Variants in TMCO6 observed in about 807,000 individuals in gnomAD.
TMCO6 encodes the protein transmembrane and coiled-coil domains 6.
TMCO6 carries 47 observed loss-of-function variants against 61.8 expected under a neutral mutation model. The observed-to-expected ratio is 0.76, with a 90% CI of 0.60 to 0.97. The LOEUF (loss-of-function observed/expected upper bound fraction) is 0.97, where lower values mean the gene tolerates loss of function less well. Among genes scored for constraint, TMCO6 ranks in the 50% least tolerant of loss-of-function variants. TMCO6 has a pLI of 0.00. For synonymous variants in TMCO6, 261 were observed against 254.2 expected, an observed-to-expected ratio of 1.03 and a Z score of -0.25; for missense variants, 557 against 601.6, an observed-to-expected ratio of 0.93 and a Z score of 0.78.
chr5:140,638,565 C>CTTT (rs112303526), upstream of TMCO6, among the ~76,000 whole-genome samples: 17 of 89,260 alleles, frequency 1.9e-4, no homozygotes, highest in South Asian at 1.8e-3. Context: ...TTCTTTCTTT[C>CTTT]TTTTTTTTTT....
At chr5:140,631,350 TGAGA>T in the TMCO6 span, among the ~76,000 whole-genome samples, 1 of 151,806 alleles carries the variant, frequency 6.6e-6, no homozygotes, top group Admixed American at 6.6e-5. Flanking sequence ...TGTGTGTGTG[TGAGA>T]GAGAGAAAGA....
At chr5:140,645,681 G>T (rs1232701901), downstream of TMCO6, 2 of 1,614,004 alleles carry the variant, frequency 1.2e-6, no homozygotes, top group Admixed American at 3.3e-5. Context: ...GCCAAATGCT[G>T]AAGAGAGAGA....
At chr5:140,633,225 A>G in the TMCO6 span, 1 of 919,440 alleles carries the variant, frequency 1.1e-6, no homozygotes, top group Non-Finnish European at 1.7e-6. Flanking sequence ...GATGTCATTC[A>G]GTTCCCTCCT....
chr5:140,613,839 C>T, the TMCO6 span, among the ~76,000 whole-genome samples: 373 of 151,964 alleles, frequency 2.5e-3, 2 homozygotes, highest in African/African-American at 8.6e-3. Context: ...TCCCAAAGCA[C>T]AGGGATTACA....
At chr5:140,597,743 A>G in the TMCO6 span, among the ~76,000 whole-genome samples, 2 of 152,250 alleles carry the variant, frequency 1.3e-5, no homozygotes, top group Admixed American at 1.3e-4. Context: ...TTAGGGCTAT[A>G]TAGCTACAGG....
chr5:140,638,418 G>GC (rs1229778930), upstream of TMCO6, among the ~76,000 whole-genome samples: 1 of 152,146 alleles, frequency 6.6e-6, no homozygotes, highest in Non-Finnish European at 1.5e-5. Flanking sequence ...ACTGTGGCGT[G>GC]CCTCGGCATC....
At chr5:140,647,199 C>G (rs1210697485), downstream of TMCO6, 9 of 1,507,154 alleles carry the variant, frequency 6.0e-6, no homozygotes, top group Non-Finnish European at 8.0e-6. Context: ...GGTCCCTTCT[C>G]TTCTCAAACC....
At chr5:140,606,310 G>A in the TMCO6 span, among the ~76,000 whole-genome samples, 81 of 151,724 alleles carry the variant, frequency 5.3e-4, 1 homozygote, top group African/African-American at 1.9e-3. Flanking sequence ...CACCAGGCCT[G>A]GCTAAATAAA....
At chr5:140,599,148 G>A in the TMCO6 span, among the ~76,000 whole-genome samples, 29 of 152,266 alleles carry the variant, frequency 1.9e-4, no homozygotes, top group Admixed American at 1.5e-3. Context: ...TGCTTCAAAG[G>A]GTGCAAGAGG....
the TMCO6 span, among the ~76,000 whole-genome samples, chr5:140,620,270 A>G: frequency 6.6e-6 from 1 of 152,236 alleles, no homozygotes; most frequent in Non-Finnish European, 1.5e-5. Context: ...AAAGAAGCCA[A>G]TCTTAAAATA....
Position 140,643,911 on chromosome 5 carries a change from C to T in TMCO6, c.1050C>T (p.Phe350=). Residue 350 remains phenylalanine, a synonymous_variant, in exon 9 of 12, where the codon TTC becomes TTT. Transcript: ENST00000394671. ...TATTTATCCTTCTGCAGTTCTTTTT[C>T]CAGAAACAGCCCAGTCTGCTCCCTG... is the stretch of plus-strand genomic sequence containing the variant. ...AALFILLQFF[F]QKQPSLLPEG... 1 of 1,614,200 alleles carries T rather than the reference C, an allele frequency of 6.2e-7. No individual in the cohort carries two copies. Among genetic ancestry groups the T allele is most frequent in the East Asian group, 2.2e-5 (1 of 44,886 alleles).
At chr5:140,620,232 A>G in the TMCO6 span, among the ~76,000 whole-genome samples, 6 of 152,264 alleles carry the variant, frequency 3.9e-5, no homozygotes, top group Admixed American at 2.6e-4. Flanking sequence ...AAAGACATGG[A>G]AAAAACTTAG....
Position 140,641,857 on chromosome 5 carries a change from C to G in TMCO6, c.315-13C>G. On this transcript the variant is annotated splice_polypyrimidine_tract_variant and intron_variant, in intron 3 of 11. Coordinates refer to ENST00000394671, the MANE Select transcript of TMCO6 (RefSeq NM_018502.5). Reference sequence around the variant, plus strand: ...CCACAAGCTAAGCAGGGCTCTGGTACTCACTCACATAGGCTGGAGGGCAGC... The same window carrying G: ...CCACAAGCTAAGCAGGGCTCTGGTAGTCACTCACATAGGCTGGAGGGCAGC... The G allele has an allele frequency of 6.2e-7, 1 of 1,613,640 alleles. No homozygotes were observed. The highest frequency in any genetic ancestry group is 1.7e-5 in the Admixed American group (1 of 60,008).
At chr5:140,610,786 T>C in the TMCO6 span, among the ~76,000 whole-genome samples, 2 of 152,342 alleles carry the variant, frequency 1.3e-5, no homozygotes, top group East Asian at 3.9e-4. Context: ...AGAAAATACA[T>C]CCTTGTTTTG....
chr5:140,615,111 AC>A, the TMCO6 span, among the ~76,000 whole-genome samples: 1 of 152,258 alleles, frequency 6.6e-6, no homozygotes, highest in African/African-American at 2.4e-5. Context: ...GTTGCAGGAT[AC>A]AAAATCAACA....
the TMCO6 span, among the ~76,000 whole-genome samples, chr5:140,620,052 A>G: frequency 1.3e-5 from 2 of 152,240 alleles, no homozygotes; most frequent in Non-Finnish European, 2.9e-5. Context: ...CTTGGTATTT[A>G]TCAAAGGAGT....
At chr5:140,626,290 C>A in the TMCO6 span, among the ~76,000 whole-genome samples, 4 of 151,912 alleles carry the variant, frequency 2.6e-5, no homozygotes, top group South Asian at 6.2e-4. Flanking sequence ...CAATGGTGTA[C>A]TATTAATGTC....
chr5:140,605,979 G>T, the TMCO6 span, among the ~76,000 whole-genome samples: 1 of 151,922 alleles, frequency 6.6e-6, no homozygotes, highest in South Asian at 2.1e-4. Context: ...TAATTTGTTG[G>T]CATATCGTGT....
chr5:140,645,480 A>T, downstream of TMCO6: 1 of 1,435,450 alleles, frequency 7.0e-7, no homozygotes. Flanking sequence ...AAAGTATTTT[A>T]CAGCACAAGC....
Sources: allele counts gnomAD v4.1 joint callset (sites outside exome capture counted in the v4.1 genomes callset), GRCh38; gene constraint gnomAD v4.1.1; transcripts MANE v1.5; gene names NCBI Gene and HGNC (gene_info 2026-07-23, HGNC 2026-07-21).